The following RBFOX1 variants were observed in gnomAD, a reference collection of about 807,000 sequenced individuals.
The protein encoded by RBFOX1 is RNA binding fox-1 homolog 1, also known as RNA binding protein fox-1 homolog 1.
A neutral mutation model predicts 57.7 loss-of-function variants in RBFOX1; 8 were observed. The observed-to-expected ratio is 0.14, with a 90% CI of 0.08 to 0.25. The LOEUF (loss-of-function observed/expected upper bound fraction) is 0.25, where lower values mean the gene tolerates loss of function less well. RBFOX1 is among the 10% of genes least tolerant of loss of function. The pLI, the probability that RBFOX1 is intolerant of heterozygous loss-of-function variation, is 1.00. For missense variants in RBFOX1, 611 were observed against 548.5 expected (o/e 1.11, Z -1.14); for synonymous variants, 326 against 222.4 (o/e 1.47, Z -4.15).
intron 4 of RBFOX1, among the ~76,000 whole-genome samples, chr16:6,010,732 C>T (rs553985985): frequency 2.6e-5 from 4 of 152,294 alleles, no homozygotes; most frequent in South Asian, 2.1e-4. Context: ...AATTCCCAAA[C>T]GGTATCCGTT....
intron 1 of RBFOX1, among the ~76,000 whole-genome samples, chr16:6,146,110 G>A (rs1330934806): frequency 6.6e-6 from 1 of 152,130 alleles, no homozygotes; most frequent in Non-Finnish European, 1.5e-5. Context: ...GTAGCCTGAA[G>A]CACCTTTCTG....
At chr16:6,687,342 C>G (rs1315413672) in intron 3 of RBFOX1, among the ~76,000 whole-genome samples, 1 of 152,122 alleles carries the variant, frequency 6.6e-6, no homozygotes, top group Non-Finnish European at 1.5e-5. Context: ...GTACAATGTA[C>G]ACTACTTGCG....
intron 3 of RBFOX1, among the ~76,000 whole-genome samples, chr16:6,977,919 T>G (rs1027709747): frequency 8.5e-6 from 1 of 117,384 alleles, no homozygotes; most frequent in African/African-American, 4.6e-5. Flanking sequence ...GGAAACTGCC[T>G]CTTCCAGCCT....
chr16:7,076,530 C>G (rs1026892182), intron 4 of RBFOX1, among the ~76,000 whole-genome samples: 1 of 152,100 alleles, frequency 6.6e-6, no homozygotes, highest in Non-Finnish European at 1.5e-5. Flanking sequence ...TGCCATATCC[C>G]TTCTCACTTG....
intron 4 of RBFOX1, among the ~76,000 whole-genome samples, chr16:7,460,502 A>G (rs1315497533): frequency 6.8e-6 from 1 of 146,636 alleles, no homozygotes; most frequent in Non-Finnish European, 1.5e-5. Flanking sequence ...TATATAATAT[A>G]TACATATATA....
At position 5,718,765 on chromosome 16, in the gene RBFOX1, G is replaced by A. The variant is rs971350496; in HGVS notation, c.318+119804G>A. Among the ~76,000 whole-genome samples the A allele has an allele frequency of 1.1e-4, 16 of 152,016 alleles. No individual in the cohort carries two copies. In the East Asian group the frequency reaches 1.4e-3, roughly 13 times the overall value. On this transcript the variant is annotated intron_variant, in intron 3 of 19. Coordinates refer to the RBFOX1 transcript ENST00000641259. ...CTAATAAAAGCTACAAAAATTAGCC[G>A]GGGCATAGTCGTGGGTACCTGTAAT... is the stretch of plus-strand genomic sequence containing the variant.
chr16:7,034,330 C>G (rs1441803021), intron 3 of RBFOX1, among the ~76,000 whole-genome samples: 1 of 152,070 alleles, frequency 6.6e-6, no homozygotes, highest in East Asian at 1.9e-4. Context: ...AGGCAGAAAG[C>G]TAGATCATGC....
intron 3 of RBFOX1, among the ~76,000 whole-genome samples, chr16:5,651,212 C>G (rs1596591351): frequency 6.6e-6 from 1 of 151,702 alleles, no homozygotes; most frequent in African/African-American, 2.4e-5. Flanking sequence ...GCCACCATAC[C>G]CAGCTAATTT....
Position 5,683,294 on chromosome 16 carries a change from T to C in RBFOX1, c.318+84333T>C, listed in dbSNP as rs903338535. ...TCTGACTTCCTTGCCAATGCCCAGG[T>C]TTAACCCCAGAGCATTTGTAACCTC... On this transcript the variant is annotated intron_variant, in intron 3 of 19. Coordinates refer to the RBFOX1 transcript ENST00000641259. Among the ~76,000 whole-genome samples the C allele has an allele frequency of 1.4e-4, 21 of 152,108 alleles. 1 individual carries two copies. The highest frequency in any genetic ancestry group is 1.1e-3 in the Admixed American group (17 of 15,264).
intron 3 of RBFOX1, among the ~76,000 whole-genome samples, chr16:6,935,096 AAAAAAG>A (rs1229176243): frequency 2.6e-5 from 4 of 152,120 alleles, no homozygotes; most frequent in African/African-American, 9.7e-5. Context: ...TCTCGGAAAA[AAAAAAG>A]AAAAAGAAAA....
intron 4 of RBFOX1, among the ~76,000 whole-genome samples, chr16:7,399,114 A>ACC (rs1473281925): frequency 6.6e-6 from 1 of 152,180 alleles, no homozygotes; most frequent in East Asian, 1.9e-4. Flanking sequence ...CTGCACTTGT[A>ACC]CCCCCGAATC....
At chr16:6,512,283 C>CAAAAAAAAAAAAAAAAAAAAAAAAAAAA (rs565248640) in intron 2 of RBFOX1, among the ~76,000 whole-genome samples, 19 of 86,936 alleles carry the variant, frequency 2.2e-4, no homozygotes, top group East Asian at 7.8e-4. Context: ...GACCCTGTAT[C>CAAAAAAAAAAAAAAAAAAAAAAAAAAAA]AAAAAAAAAA....
At chr16:7,058,045 T>A (rs910843380) in intron 4 of RBFOX1, among the ~76,000 whole-genome samples, 4 of 148,354 alleles carry the variant, frequency 2.7e-5, no homozygotes, top group South Asian at 4.3e-4. Flanking sequence ...CAGATATAGA[T>A]CTCTGCTATG....
intron 3 of RBFOX1, among the ~76,000 whole-genome samples, chr16:5,729,750 T>G (rs1017496866): frequency 2.6e-5 from 4 of 152,160 alleles, no homozygotes; most frequent in African/African-American, 9.7e-5. Flanking sequence ...GGTTCAGTCA[T>G]AGAGAACAGA....
chr16:7,012,260 A>C (rs1301199016), intron 3 of RBFOX1, among the ~76,000 whole-genome samples: 4 of 152,220 alleles, frequency 2.6e-5, no homozygotes, highest in African/African-American at 9.6e-5. Flanking sequence ...AAATTTTCCC[A>C]GTTTTAAAGA....
chr16:6,970,146 C>A (rs2153566934), intron 3 of RBFOX1, among the ~76,000 whole-genome samples: 1 of 151,760 alleles, frequency 6.6e-6, no homozygotes, highest in South Asian at 2.1e-4. Flanking sequence ...TCACTGCATT[C>A]CAGCCTGGGC....
chr16:6,856,646 G>A (rs1309364159), intron 3 of RBFOX1, among the ~76,000 whole-genome samples: 2 of 152,054 alleles, frequency 1.3e-5, no homozygotes, highest in African/African-American at 4.8e-5. Flanking sequence ...CTCTTGTGCA[G>A]GAATATTTAT....
chr16:7,589,912 G>GGGGT (rs71394324), intron 7 of RBFOX1, among the ~76,000 whole-genome samples: 12 of 134,946 alleles, frequency 8.9e-5, no homozygotes, highest in African/African-American at 1.6e-4. Context: ...GTGTGTGCTG[G>GGGGT]GTGTGTGTGT....
chr16:7,292,098 A>AT (rs1459269239), intron 4 of RBFOX1, among the ~76,000 whole-genome samples: 1 of 79,380 alleles, frequency 1.3e-5, no homozygotes, highest in Admixed American at 1.4e-4. Flanking sequence ...AATATATAAT[A>AT]TATCATGTAT....
Sources: gnomAD v4.1 joint callset for allele counts (sites outside exome capture counted in the v4.1 genomes callset) on GRCh38, gnomAD v4.1.1 for gene constraint, MANE v1.5 for transcripts, NCBI Gene and HGNC (gene_info 2026-07-23, HGNC 2026-07-21) for gene names.